The following CNTNAP2 variants were observed in gnomAD, a reference collection of about 807,000 sequenced individuals.
CNTNAP2 encodes the protein contactin-associated protein-like 2.
Under a neutral mutation model 155.2 loss-of-function variants are expected in CNTNAP2, and 98 were observed. That is an observed-to-expected ratio of 0.63 (90% confidence interval 0.54 to 0.75). CNTNAP2 has a LOEUF of 0.75. Ranked by LOEUF, CNTNAP2 falls within the 30% of genes least tolerant of loss-of-function variation. The pLI, the probability that CNTNAP2 is intolerant of heterozygous loss-of-function variation, is 0.00. For missense variants in CNTNAP2, 1,727 were observed against 1,688.1 expected, an observed-to-expected ratio of 1.02 and a Z score of -0.40; for synonymous variants, 651 against 631.2, an observed-to-expected ratio of 1.03 and a Z score of -0.47.
chr7:147,175,077 C>A (rs1480633298), intron 8 of CNTNAP2, among the ~76,000 whole-genome samples: 1 of 152,070 alleles, frequency 6.6e-6, no homozygotes, highest in Non-Finnish European at 1.5e-5. Context: ...TATGCCCAAA[C>A]TTCATTTGAA....
At chr7:148,364,589 C>A (rs1798695579) in intron 21 of CNTNAP2, among the ~76,000 whole-genome samples, 1 of 152,214 alleles carries the variant, frequency 6.6e-6, no homozygotes, top group Non-Finnish European at 1.5e-5. Flanking sequence ...CACTCTGTAT[C>A]TAGCTGCTCT....
At position 147,660,907 on chromosome 7, in the gene CNTNAP2, G is replaced by A. The variant is rs187723870; in HGVS notation, c.2098+21601G>A. Among the ~76,000 whole-genome samples the A allele has an allele frequency of 7.2e-5, 11 of 152,150 alleles. No individual in the cohort carries two copies. In the East Asian group the frequency reaches 1.5e-3, roughly 21 times the overall value. ...TTGTTAAGGGAGATATGGGGATATG[G>A]GGCAGATGAAATCACAGCATACTCT... On this transcript the variant is annotated intron_variant, in intron 13 of 23. Coordinates refer to ENST00000361727, the MANE Select transcript of CNTNAP2 (RefSeq NM_014141.6).
chr7:148,403,189 C>T (rs999708066), intron 22 of CNTNAP2, among the ~76,000 whole-genome samples: 3 of 150,574 alleles, frequency 2.0e-5, no homozygotes, highest in Non-Finnish European at 4.4e-5. Context: ...ATCATCAATT[C>T]CTCCAGCAAT....
intron 13 of CNTNAP2, among the ~76,000 whole-genome samples, chr7:147,794,885 T>C (rs982719800): frequency 6.6e-6 from 1 of 151,876 alleles, no homozygotes; most frequent in Non-Finnish European, 1.5e-5. Flanking sequence ...TATTAGTTCA[T>C]AGTTTCCCTT....
intron 5 of CNTNAP2, among the ~76,000 whole-genome samples, chr7:147,110,332 T>C (rs1800849815): frequency 6.6e-6 from 1 of 152,108 alleles, no homozygotes; most frequent in Admixed American, 6.6e-5. Flanking sequence ...GCATTCAAAA[T>C]TACAGTTTAG....
At chr7:147,273,124 C>T (rs1804797242) in intron 8 of CNTNAP2, among the ~76,000 whole-genome samples, 1 of 152,124 alleles carries the variant, frequency 6.6e-6, no homozygotes, top group Non-Finnish European at 1.5e-5. Flanking sequence ...TCCTGGCCCA[C>T]TCCCAGCCTG....
intron 1 of CNTNAP2, among the ~76,000 whole-genome samples, chr7:146,733,151 T>G (rs2129179791): frequency 6.6e-6 from 1 of 152,264 alleles, no homozygotes; most frequent in South Asian, 2.1e-4. Flanking sequence ...TAGACTGATT[T>G]TGCTAAGAGC....
intron 16 of CNTNAP2, among the ~76,000 whole-genome samples, chr7:148,145,314 G>A (rs1297420503): frequency 6.6e-6 from 1 of 152,126 alleles, no homozygotes; most frequent in East Asian, 1.9e-4. Context: ...TAAGGTGACG[G>A]TGAAGAAATA....
intron 3 of CNTNAP2, among the ~76,000 whole-genome samples, chr7:146,879,870 C>T (rs554256667): frequency 1.3e-5 from 2 of 152,184 alleles, no homozygotes; most frequent in African/African-American, 4.8e-5. Flanking sequence ...TTAATGGGCT[C>T]ACAGTTCCAC....
At chr7:146,135,599 G>T (rs1027480798) in intron 1 of CNTNAP2, among the ~76,000 whole-genome samples, 2 of 152,076 alleles carry the variant, frequency 1.3e-5, no homozygotes, top group South Asian at 2.1e-4. Context: ...TATGAGTGTG[G>T]TGCTTAACAA....
intron 1 of CNTNAP2, among the ~76,000 whole-genome samples, chr7:146,505,301 C>G (rs1017008562): frequency 6.6e-6 from 1 of 152,164 alleles, no homozygotes; most frequent in Non-Finnish European, 1.5e-5. Context: ...GCTGTTGGAG[C>G]ATGTCAACCT....
chr7:148,234,534 A>G (rs746966245), intron 20 of CNTNAP2, among the ~76,000 whole-genome samples: 6 of 152,350 alleles, frequency 3.9e-5, no homozygotes, highest in East Asian at 1.9e-4. Context: ...GTGGGCCCCA[A>G]TAAAAGTCAG....
intron 9 of CNTNAP2, among the ~76,000 whole-genome samples, chr7:147,383,616 G>C (rs550085272): frequency 6.6e-6 from 1 of 152,086 alleles, no homozygotes; most frequent in East Asian, 1.9e-4. Context: ...ACCGGGGCCT[G>C]TCGGGGTGGG....
At chr7:147,689,821 A>C (rs147168653) in intron 13 of CNTNAP2, among the ~76,000 whole-genome samples, 1 of 152,296 alleles carries the variant, frequency 6.6e-6, no homozygotes, top group Non-Finnish European at 1.5e-5. Flanking sequence ...AAAGAATAAA[A>C]AAAAAATTTC....
chr7:147,131,717 A>G (rs563614799), intron 7 of CNTNAP2, among the ~76,000 whole-genome samples: 34 of 152,156 alleles, frequency 2.2e-4, no homozygotes, highest in Non-Finnish European at 4.6e-4. Context: ...ATATGCATAT[A>G]CAAGGTATAT....
At chr7:147,635,882 C>T (rs1795172426) in intron 12 of CNTNAP2, among the ~76,000 whole-genome samples, 1 of 151,928 alleles carries the variant, frequency 6.6e-6, no homozygotes, top group African/African-American at 2.4e-5. Context: ...GGACAAGGCT[C>T]TTGATAGAGA....
intron 9 of CNTNAP2, among the ~76,000 whole-genome samples, chr7:147,384,847 G>C (rs1796599742): frequency 6.6e-6 from 1 of 152,198 alleles, no homozygotes; most frequent in South Asian, 2.1e-4. Flanking sequence ...CCTTCACCCA[G>C]AGACCTCCTT....
At chr7:147,251,701 G>A (rs144865931) in intron 8 of CNTNAP2, among the ~76,000 whole-genome samples, 10 of 152,190 alleles carry the variant, frequency 6.6e-5, no homozygotes, top group Non-Finnish European at 1.0e-4. Context: ...CTATTACTTC[G>A]CCTAGAGCCT....
At chr7:146,960,175 A>G (rs931972310) in intron 3 of CNTNAP2, among the ~76,000 whole-genome samples, 2 of 152,200 alleles carry the variant, frequency 1.3e-5, no homozygotes, top group African/African-American at 2.4e-5. Context: ...TGGGGAAAAA[A>G]ATAAGTTTCT....
Sources: allele counts gnomAD v4.1 joint callset (sites outside exome capture counted in the v4.1 genomes callset), GRCh38; gene constraint gnomAD v4.1.1; transcripts MANE v1.5; gene names NCBI Gene and HGNC (gene_info 2026-07-23, HGNC 2026-07-21).